Variants in ADAM23 observed in about 807,000 individuals in gnomAD.
ADAM23 encodes the protein disintegrin and metalloproteinase domain-containing protein 23.
A neutral mutation model predicts 120.1 loss-of-function variants in ADAM23; 33 were observed. That is an observed-to-expected ratio of 0.27 (90% CI 0.21 to 0.37). The LOEUF is 0.37. ADAM23 is among the 10% of genes least tolerant of loss of function. The pLI is 1.00. For missense variants in ADAM23, 862 were observed against 1,058.2 expected, an observed-to-expected ratio of 0.81 and a Z score of 2.57; for synonymous variants, 367 against 375.2, an observed-to-expected ratio of 0.98 and a Z score of 0.25.
At chr2:206,483,047 G>A (rs185075232) in intron 3 of ADAM23, among the ~76,000 whole-genome samples, 67 of 152,290 alleles carry the variant, frequency 4.4e-4, no homozygotes, top group Admixed American at 4.1e-3. Flanking sequence ...GGTATTTCAC[G>A]TGTCAGTGCT....
chr2:206,592,511 G>T, intron 21 of ADAM23, 106 bp from the exon 22 acceptor site: 1 of 1,370,002 alleles, frequency 7.3e-7, no homozygotes. Flanking sequence ...TGTTTAGAAA[G>T]AAAGATAATA....
chr2:206,454,408 CCCA>C (rs2105852815), intron 2 of ADAM23, among the ~76,000 whole-genome samples: 1 of 152,212 alleles, frequency 6.6e-6, no homozygotes, highest in Admixed American at 6.5e-5. Flanking sequence ...AGGTCCCTAC[CCCA>C]ACACTAAGGA....
At chr2:206,484,962 C>G (rs771859989) in intron 3 of ADAM23, among the ~76,000 whole-genome samples, 18 of 152,184 alleles carry the variant, frequency 1.2e-4, no homozygotes, top group Non-Finnish European at 1.8e-4. Flanking sequence ...CATGCCTTTG[C>G]TCCTCCTTCA....
intron 3 of ADAM23, among the ~76,000 whole-genome samples, chr2:206,525,600 G>C (rs1696927024): frequency 6.6e-6 from 1 of 151,972 alleles, no homozygotes; most frequent in Non-Finnish European, 1.5e-5. Context: ...TGTTTGTTTT[G>C]TTTTATTCTG....
chr2:206,477,922 A>ATATATATATATAT (rs1491552690), intron 2 of ADAM23, among the ~76,000 whole-genome samples: 9 of 137,138 alleles, frequency 6.6e-5, no homozygotes, highest in East Asian at 2.0e-4. Context: ...ATATATATAT[A>ATATATATATATAT]AAACAACAAT....
At position 206,614,103 on chromosome 2, in the gene ADAM23, G is replaced by A. The variant is rs544489957; in HGVS notation, c.2451-3476G>A. ...TGTCCATGGGATTCAGTGGCAAAGT[G>A]GATTTCATCAGTGGCCATACTGGCC... On this transcript the variant is annotated intron_variant, in intron 25 of 25. Transcript: ENST00000264377. Among the ~76,000 whole-genome samples the A allele has an allele frequency of 4.6e-5, 7 of 152,262 alleles. No homozygotes were observed. The South Asian group carries it at 1.4e-3, about 32-fold the overall frequency.
chr2:206,564,980 T>C lies in ADAM23; in HGVS notation c.1346-40T>C, dbSNP rs371192598. 65 of 1,609,224 alleles carry C rather than the reference T, an allele frequency of 4.0e-5. No homozygotes were observed. In the Admixed American group the frequency reaches 1.1e-3, roughly 27 times the overall value. On this transcript the variant is annotated intron_variant, in intron 13 of 25. Transcript: ENST00000264377. Reference sequence around the variant, plus strand: ...AAAAAAATATGTGACTTTCTTTGTTTCCTTTTTCTTCTGTTGCTTTTATTG... The same window carrying C: ...AAAAAAATATGTGACTTTCTTTGTTCCCTTTTTCTTCTGTTGCTTTTATTG...
At position 206,511,137 on chromosome 2, in the gene ADAM23, C is replaced by T. The variant is rs534255627; in HGVS notation, c.510-19748C>T. On this transcript the variant is annotated intron_variant, in intron 3 of 25. Transcript: ENST00000264377. ...TTTTTCCTTTTTCTAATTTGGGTTG[C>T]ACCCTTGTACTATTTATTTTTTATT... is the stretch of plus-strand genomic sequence containing the variant. Among the ~76,000 whole-genome samples, 6 of 152,144 alleles carry T rather than the reference C, an allele frequency of 3.9e-5. No homozygotes were observed. The South Asian group carries it at 1.2e-3, about 32-fold the overall frequency.
At chr2:206,465,203 T>A (rs1695519868) in intron 2 of ADAM23, among the ~76,000 whole-genome samples, 1 of 152,286 alleles carries the variant, frequency 6.6e-6, no homozygotes, top group South Asian at 2.1e-4. Flanking sequence ...CATGCCTGGC[T>A]ATTTTTTTCT....
chr2:206,458,967 C>T (rs1695357702), intron 2 of ADAM23, among the ~76,000 whole-genome samples: 1 of 152,152 alleles, frequency 6.6e-6, no homozygotes, highest in Admixed American at 6.5e-5. Flanking sequence ...TTTATTTGGA[C>T]ACTAGGACAA....
chr2:206,505,635 G>C (rs942875092), intron 3 of ADAM23, among the ~76,000 whole-genome samples: 1 of 152,132 alleles, frequency 6.6e-6, no homozygotes, highest in Non-Finnish European at 1.5e-5. Flanking sequence ...CTTGCTCACT[G>C]TCACGAAAAC....
In ADAM23 at chr2:206,443,845, C is replaced by T. The variant is rs1033131101; in HGVS notation, c.-22C>T. 6 of 1,099,468 alleles carry T rather than the reference C, an allele frequency of 5.5e-6. No homozygotes were observed. Among genetic ancestry groups the T allele is most frequent in the Non-Finnish European group, 6.6e-6 (6 of 904,760 alleles). 68.1% of individuals were successfully genotyped at this position (1,099,468 alleles called of 1,614,324 possible). A position where few individuals can be genotyped will look rare whatever the true frequency, so the allele number is the denominator to read the frequency against. On this transcript the variant is annotated 5_prime_UTR_variant, in exon 1 of 26. Coordinates refer to ENST00000264377, the MANE Select transcript of ADAM23 (RefSeq NM_003812.4). Reference sequence around the variant, plus strand: ...CGGCGCTCTCGCCGGCCACACGGAGCGGCGCCCGGGAGCTATGAGCCATGA... The same window carrying T: ...CGGCGCTCTCGCCGGCCACACGGAGTGGCGCCCGGGAGCTATGAGCCATGA...
intron 3 of ADAM23, among the ~76,000 whole-genome samples, chr2:206,490,264 G>A (rs563439349): frequency 3.2e-4 from 48 of 152,254 alleles, no homozygotes; most frequent in Non-Finnish European, 2.8e-4. Context: ...CTAGCCTTCC[G>A]AACTGTGAGG....
At chr2:206,515,728 A>G (rs1696716446) in intron 3 of ADAM23, among the ~76,000 whole-genome samples, 1 of 152,092 alleles carries the variant, frequency 6.6e-6, no homozygotes, top group Non-Finnish European at 1.5e-5. Context: ...ACACTTTTAG[A>G]CTGGAGTCTA....
chr2:206,470,476 G>T (rs1468879420), intron 2 of ADAM23, among the ~76,000 whole-genome samples: 1 of 152,156 alleles, frequency 6.6e-6, no homozygotes, highest in East Asian at 1.9e-4. Context: ...CCAGAGCTCT[G>T]TGGAAGTTCG....
chr2:206,566,711 C>T (rs1697890450), intron 14 of ADAM23, among the ~76,000 whole-genome samples: 3 of 152,146 alleles, frequency 2.0e-5, no homozygotes, highest in South Asian at 4.1e-4. Context: ...TGATCTAACA[C>T]ACCTCTTTAA....
Position 206,443,761 on chromosome 2 carries a change from G to A in ADAM23, c.-106G>A, listed in dbSNP as rs2105842953. The A allele has an allele frequency of 5.7e-6, 3 of 526,694 alleles. No homozygotes were observed. The highest frequency in any genetic ancestry group is 7.3e-6 in the Non-Finnish European group (3 of 411,558). 32.6% of individuals were successfully genotyped at this position (526,694 alleles called of 1,614,324 possible). ...AGCCCGGAGCCCCCTGCCCGCCGCG[G>A]CACCATGCGCGCCGAGCCGGCGTGA... On this transcript the variant is annotated 5_prime_UTR_variant, in exon 1 of 26. Transcript: ENST00000264377.
At chr2:206,595,923 G>A in intron 23 of ADAM23, 128 bp from the exon 24 acceptor site, 1 of 672,108 alleles carries the variant, frequency 1.5e-6, no homozygotes, top group Non-Finnish European at 2.5e-6. Flanking sequence ...AAGACCATGG[G>A]AAACTTTAAA....
At chr2:206,485,835 T>G (rs1265662216) in intron 3 of ADAM23, among the ~76,000 whole-genome samples, 1 of 151,966 alleles carries the variant, frequency 6.6e-6, no homozygotes, top group African/African-American at 2.4e-5. Flanking sequence ...CCAGCATGAT[T>G]TAGATGGTCA....
Sources: allele counts gnomAD v4.1 joint callset (sites outside exome capture counted in the v4.1 genomes callset), GRCh38; gene constraint gnomAD v4.1.1; transcripts MANE v1.5; gene names NCBI Gene and HGNC (gene_info 2026-07-23, HGNC 2026-07-21).